SBF2: variants seen among roughly 807,000 people sequenced by gnomAD.
SBF2 encodes the protein SET binding factor 2, also known as myotubularin-related protein 13.
A neutral mutation model predicts 225.2 loss-of-function variants in SBF2; 112 were observed. The observed-to-expected ratio is 0.50, with a 90% confidence interval of 0.43 to 0.58. The LOEUF is 0.58. Among genes scored for constraint, SBF2 ranks in the 20% least tolerant of loss-of-function variants. The pLI, the probability that SBF2 is intolerant of heterozygous loss-of-function variation, is 0.00. For missense variants in SBF2, 1,996 were observed against 2,206.2 expected (o/e 0.90, Z 1.91); for synonymous variants, 763 against 773.3 (o/e 0.99, Z 0.22).
At chr11:10,025,662 T>A (rs1441945125) in intron 6 of SBF2, among the ~76,000 whole-genome samples, 1 of 152,124 alleles carries the variant, frequency 6.6e-6, no homozygotes, top group Non-Finnish European at 1.5e-5. Flanking sequence ...TGAAGTGGCA[T>A]GATCTTGGCT....
At chr11:10,304,262 C>T (rs1204313263) in intron 1 of SBF2, among the ~76,000 whole-genome samples, 1 of 152,124 alleles carries the variant, frequency 6.6e-6, no homozygotes, top group Non-Finnish European at 1.5e-5. Context: ...TCAGTCCTCA[C>T]GTTTACGATG....
At chr11:10,103,186 C>G (rs1952386042) in intron 2 of SBF2, among the ~76,000 whole-genome samples, 1 of 152,044 alleles carries the variant, frequency 6.6e-6, no homozygotes, top group East Asian at 1.9e-4. Context: ...TTATGATGAC[C>G]TGAAATTCTA....
intron 16 of SBF2, among the ~76,000 whole-genome samples, chr11:9,934,725 T>C (rs57331333): frequency 0.17 from 25,124 of 152,220 alleles, 2,242 homozygotes; most frequent in East Asian, 0.39. Context: ...TCTCAACAGA[T>C]GCAGAAAAGG....
intron 28 of SBF2, among the ~76,000 whole-genome samples, chr11:9,821,377 CAG>C (rs1013036929): frequency 6.6e-5 from 10 of 152,166 alleles, no homozygotes; most frequent in Admixed American, 3.9e-4. Flanking sequence ...CTCCCCCAAA[CAG>C]AGGCTCATCA....
intron 1 of SBF2, among the ~76,000 whole-genome samples, chr11:10,222,173 T>C (rs1205545323): frequency 6.6e-6 from 1 of 152,174 alleles, no homozygotes; most frequent in East Asian, 1.9e-4. Flanking sequence ...TCAACACTCT[T>C]TGGAGGAATA....
chr11:9,995,648 TC>T, intron 9 of SBF2, among the ~76,000 whole-genome samples: 1 of 151,470 alleles, frequency 6.6e-6, no homozygotes, highest in South Asian at 2.1e-4. Context: ...TTTTTTCTTT[TC>T]TTTTTTTTTT....
At chr11:10,231,433 G>C (rs1459694760) in intron 1 of SBF2, among the ~76,000 whole-genome samples, 1 of 152,112 alleles carries the variant, frequency 6.6e-6, no homozygotes, top group Non-Finnish European at 1.5e-5. Context: ...CCCCATCTTT[G>C]TGGCTTTATC....
chr11:9,919,022 G>A (rs1332742014), intron 16 of SBF2, among the ~76,000 whole-genome samples: 2 of 152,134 alleles, frequency 1.3e-5, no homozygotes, highest in East Asian at 1.9e-4. Context: ...GATTACAGGT[G>A]TGAGCCACTG....
At chr11:9,938,134 A>G (rs1360846189) in intron 16 of SBF2, among the ~76,000 whole-genome samples, 1 of 152,046 alleles carries the variant, frequency 6.6e-6, no homozygotes, top group Non-Finnish European at 1.5e-5. Context: ...CACTAAAAAT[A>G]CAAAAAATTA....
chr11:9,849,898 A>G, intron 22 of SBF2, 125 bp downstream of exon 22: 1 of 921,162 alleles, frequency 1.1e-6, no homozygotes, highest in South Asian at 1.3e-5. Context: ...TATTTCACCA[A>G]AATACCTGTG....
chr11:10,180,809 T>G (rs1262243708), intron 2 of SBF2, among the ~76,000 whole-genome samples: 1 of 152,168 alleles, frequency 6.6e-6, no homozygotes, highest in African/African-American at 2.4e-5. Context: ...TTTCTTCCAC[T>G]TGATCAATTC....
chr11:10,085,360 C>A (rs1443826574), intron 2 of SBF2, among the ~76,000 whole-genome samples: 1 of 152,044 alleles, frequency 6.6e-6, no homozygotes, highest in African/African-American at 2.4e-5. Context: ...TTTTTTCTGA[C>A]CCCGTATTGA....
At chr11:9,970,655 A>G (rs1278931767) in intron 13 of SBF2, among the ~76,000 whole-genome samples, 1 of 152,218 alleles carries the variant, frequency 6.6e-6, no homozygotes, top group Non-Finnish European at 1.5e-5. Flanking sequence ...GTGTCAAAAC[A>G]CATGGGTTCC....
intron 32 of SBF2, among the ~76,000 whole-genome samples, chr11:9,798,954 A>AG (rs941988643): frequency 2.6e-5 from 4 of 151,386 alleles, no homozygotes; most frequent in Admixed American, 1.3e-4. Flanking sequence ...TCCGTCTCAA[A>AG]AAAAAAAAAA....
At chr11:9,962,916 C>G (rs1866670759) in intron 15 of SBF2, among the ~76,000 whole-genome samples, 1 of 152,072 alleles carries the variant, frequency 6.6e-6, no homozygotes, top group African/African-American at 2.4e-5. Context: ...AACCAAAAAG[C>G]ACAAAATGTA....
intron 16 of SBF2, among the ~76,000 whole-genome samples, chr11:9,931,846 C>T (rs1234725945): frequency 1.3e-5 from 2 of 151,072 alleles, no homozygotes; most frequent in African/African-American, 4.8e-5. Flanking sequence ...GCTAAAGGAG[C>T]ATGTTCAAAC....
chr11:10,220,955 T>C (rs1046750340), intron 1 of SBF2, among the ~76,000 whole-genome samples: 2 of 152,122 alleles, frequency 1.3e-5, no homozygotes, highest in Non-Finnish European at 2.9e-5. Context: ...AATCACCTCT[T>C]CTAGAAAGCC....
chr11:9,897,261 G>T (rs1861339348), intron 16 of SBF2, among the ~76,000 whole-genome samples: 1 of 151,750 alleles, frequency 6.6e-6, no homozygotes, highest in Non-Finnish European at 1.5e-5. Context: ...TTTTGAGACA[G>T]AGTCTTGCTC....
intron 2 of SBF2, among the ~76,000 whole-genome samples, chr11:10,098,460 G>T (rs1272920876): frequency 2.0e-5 from 3 of 146,460 alleles, no homozygotes; most frequent in African/African-American, 7.4e-5. Flanking sequence ...GGCAAGGCAA[G>T]GCTTCAAGGA....
Sources: gnomAD v4.1 joint callset for allele counts (sites outside exome capture counted in the v4.1 genomes callset) on GRCh38, gnomAD v4.1.1 for gene constraint, MANE v1.5 for transcripts, NCBI Gene and HGNC (gene_info 2026-07-23, HGNC 2026-07-21) for gene names.